Variants in STX1B observed in about 807,000 individuals in gnomAD.
STX1B encodes the protein syntaxin-1B.
A neutral mutation model predicts 39.4 loss-of-function variants in STX1B; 7 were observed. The ratio of observed to expected loss-of-function variants is 0.18; its 90% CI spans 0.10 to 0.33. STX1B has a LOEUF of 0.33. Ranked by LOEUF, STX1B falls within the 10% of genes least tolerant of loss-of-function variation. The pLI, the probability that STX1B is intolerant of heterozygous loss-of-function variation, is 1.00. For missense variants in STX1B, 198 were observed against 383.2 expected (o/e 0.52, Z 4.04); for synonymous variants, 136 against 144.1 (o/e 0.94, Z 0.40).
At position 30,992,451 on chromosome 16, in the gene STX1B, C is replaced by T; in HGVS notation, c.*370G>A. Reference sequence around the variant, plus strand: ...TTACACTTGGCTGCAGTCTACACAACAGCCCCGGTGAAGGGGGAAGCTCAG... The same window carrying T: ...TTACACTTGGCTGCAGTCTACACAATAGCCCCGGTGAAGGGGGAAGCTCAG... On this transcript the variant is annotated 3_prime_UTR_variant, in exon 10 of 10. Transcript: ENST00000215095. 1 of 244,898 alleles carries T rather than the reference C, an allele frequency of 4.1e-6. No individual in the cohort carries two copies. The allele number at this position is 244,898 out of a possible 1,614,324, so 15.2% of individuals were successfully genotyped here.
rs1412438315 is a variant in STX1B, at chr16:30,989,973, A to G, written c.*2848T>C. ...TGTCCAAGAACATGCAAAAGACACC[A>G]GCCTCCAGACAACATGCCAGGACGC... On this transcript the variant is annotated 3_prime_UTR_variant, in exon 10 of 10. Coordinates refer to ENST00000215095, the MANE Select transcript of STX1B (RefSeq NM_052874.5). 2 of 152,538 alleles carry G rather than the reference A, an allele frequency of 1.3e-5. No homozygotes were observed. The highest frequency in any genetic ancestry group is 1.3e-4 in the Admixed American group (2 of 15,310). 9.4% of individuals were successfully genotyped at this position (152,538 alleles called of 1,614,324 possible).
intron 7 of STX1B, among the ~76,000 whole-genome samples, chr16:30,994,634 C>T (rs1466689429): frequency 6.6e-6 from 1 of 150,870 alleles, no homozygotes; most frequent in Admixed American, 6.6e-5. Context: ...CCGTGACCCA[C>T]AGTCAGATAT....
At chr16:30,993,776 G>C (rs2056575978) in intron 7 of STX1B, among the ~76,000 whole-genome samples, 1 of 148,140 alleles carries the variant, frequency 6.8e-6, no homozygotes, top group Admixed American at 6.7e-5. Context: ...CCTGAGGTCA[G>C]AAGTTTGAGA....
rs1188303645 is a variant in STX1B, at chr16:31,001,444, G to A, written c.105+85C>T. 16 of 1,116,294 alleles carry A rather than the reference G, an allele frequency of 1.4e-5. No homozygotes were observed. The highest frequency in any genetic ancestry group is 3.0e-4 in the Middle Eastern group (1 of 3,380). The allele number at this position is 1,116,294 out of a possible 1,614,324, so 69.1% of individuals were successfully genotyped here. A position where few individuals can be genotyped will look rare whatever the true frequency, so the allele number is the denominator to read the frequency against. On this transcript the variant is annotated intron_variant, in intron 2 of 9. Coordinates refer to ENST00000215095, the MANE Select transcript of STX1B (RefSeq NM_052874.5). The surrounding 1 kb of genome is among the most constrained non-coding windows in gnomAD (Gnocchi z 5.5). ...GGTGCTGGGGCTGGGGCTGGGTGCC[G>A]GGGCTGAGGCTGGGCGGTGGGACTA...
In STX1B at chr16:30,992,811, TG is replaced by T. The variant is rs750392809; in HGVS notation, c.*9del. 9.4e-5 allele frequency: 109 copies of T among 1,164,640 alleles called. No individual in the cohort carries two copies. Among genetic ancestry groups the T allele is most frequent in the East Asian group, 1.8e-4 (3 of 17,000 alleles). 72.1% of individuals were successfully genotyped at this position (1,164,640 alleles called of 1,614,324 possible). A position where few individuals can be genotyped will look rare whatever the true frequency, so the allele number is the denominator to read the frequency against. On this transcript the variant is annotated 3_prime_UTR_variant, in exon 10 of 10. Transcript: ENST00000215095. ...GGGAAGGGTCTGGGAGAGAGAAGGGTGGGGGGGGCCTACAAGCCCAGCGTCC... is the reference window on the plus strand; with the variant it reads ...GGGAAGGGTCTGGGAGAGAGAAGGGTGGGGGGGCCTACAAGCCCAGCGTCC...
intron 4 of STX1B, among the ~76,000 whole-genome samples, chr16:30,997,849 C>A (rs1200008659): frequency 2.0e-5 from 3 of 152,206 alleles, no homozygotes; most frequent in African/African-American, 7.2e-5. Context: ...GTTCTAGTGG[C>A]AGAACTGGGT....
At chr16:31,008,955 A>C (rs1187539873) in intron 1 of STX1B, among the ~76,000 whole-genome samples, 1 of 152,206 alleles carries the variant, frequency 6.6e-6, no homozygotes, top group East Asian at 1.9e-4. Flanking sequence ...AAAACACTTC[A>C]AACAATGTTT....
intron 1 of STX1B, among the ~76,000 whole-genome samples, chr16:31,005,471 T>TC (rs2056650451): frequency 1.7e-4 from 1 of 5,818 alleles, no homozygotes; most frequent in South Asian, 0.05. Context: ...TTCTTTTTCC[T>TC]TTTTTTTTTT....
chr16:31,001,378 C>T lies in STX1B; in HGVS notation c.105+151G>A. On this transcript the variant is annotated intron_variant, in intron 2 of 9. Transcript: ENST00000215095. The surrounding 1 kb of genome is among the most constrained non-coding windows in gnomAD (Gnocchi z 5.5). ...GTTGTCGGTGGCTAGGGGCTGGGTG[C>T]CGGGGCTGCGGCTGGGCGGTGGGAC... 1.2e-6 allele frequency: 1 copy of T among 809,258 alleles called. No individual in the cohort carries two copies. Among genetic ancestry groups the T allele is most frequent in the Non-Finnish European group, 2.0e-6 (1 of 509,728 alleles). The allele number at this position is 809,258 out of a possible 1,614,324, so 50.1% of individuals were successfully genotyped here. A position where few individuals can be genotyped will look rare whatever the true frequency, so the allele number is the denominator to read the frequency against.
chr16:31,001,172 T>C lies in STX1B; in HGVS notation c.127A>G (p.Ile43Val), dbSNP rs989371299. 1.9e-6 allele frequency: 3 copies of C among 1,613,862 alleles called. No individual in the cohort carries two copies. The highest frequency in any genetic ancestry group is 2.5e-6 in the Non-Finnish European group (3 of 1,180,040). Residue 43 changes from isoleucine to valine, a missense_variant, in exon 3 of 10, where the codon ATT becomes GTT. Coordinates refer to ENST00000215095, the MANE Select transcript of STX1B (RefSeq NM_052874.5). This position sits in a 1 kb window ranked among gnomAD's most constrained non-coding sequence, Gnocchi z 5.5. ...FEQVEEIRGCIEKLSEDVEQV... is the reference protein window; with the variant it reads ...FEQVEEIRGCVEKLSEDVEQV... ...TCCACATCCTCCGACAGTTTCTCAA[T>C]GCAGCCCCGGATCTCTTCCACCTGG...
At chr16:31,002,062 C>CCCTG (rs2056633006) in intron 1 of STX1B, among the ~76,000 whole-genome samples, 2 of 152,102 alleles carry the variant, frequency 1.3e-5, no homozygotes, top group African/African-American at 4.8e-5. Flanking sequence ...CAGACATGTC[C>CCCTG]CCTGTGCAAG....
chr16:31,000,130 T>C (rs9932822), intron 4 of STX1B, among the ~76,000 whole-genome samples: 14,408 of 151,502 alleles, frequency 0.095, 2,003 homozygotes, highest in African/African-American at 0.31. Context: ...CCCAAGTGGC[T>C]GGGATTACAG....
In STX1B at chr16:31,005,470, C is replaced by CTTT. The variant is rs35407745; in HGVS notation, c.31-3870_31-3868dup. Among the ~76,000 whole-genome samples the CTTT allele has an allele frequency of 2.1e-3, 236 of 113,676 alleles. 1 individual carries two copies. The highest frequency in any genetic ancestry group is 2.7e-3 in the Non-Finnish European group (164 of 60,538). 74.6% of individuals were successfully genotyped at this position (113,676 alleles called of 152,430 possible). A position where few individuals can be genotyped will look rare whatever the true frequency, so the allele number is the denominator to read the frequency against. On this transcript the variant is annotated intron_variant, in intron 1 of 9. Coordinates refer to ENST00000215095, the MANE Select transcript of STX1B (RefSeq NM_052874.5). ...TTGCATTTCTTTTTTTTTCTTTTTC[C>CTTT]TTTTTTTTTTTTTTTTTTTGAGAGA...
At chr16:30,998,390 G>A (rs1401901233) in intron 4 of STX1B, among the ~76,000 whole-genome samples, 1 of 152,208 alleles carries the variant, frequency 6.6e-6, no homozygotes, top group African/African-American at 2.4e-5. Flanking sequence ...GTACGGGGCC[G>A]GATGGCACCC....
At chr16:31,009,760 T>C (rs2056671713) in intron 1 of STX1B, among the ~76,000 whole-genome samples, 1 of 151,288 alleles carries the variant, frequency 6.6e-6, no homozygotes, top group Non-Finnish European at 1.5e-5. Context: ...TGCATCCCCA[T>C]CTCCCACCTC....
chr16:30,996,737 G>T lies in STX1B; in HGVS notation c.483C>A (p.Asn161Lys). 6.2e-7 allele frequency: 1 copy of T among 1,614,144 alleles called. No homozygotes were observed. Among genetic ancestry groups the T allele is most frequent in the Middle Eastern group, 1.7e-4 (1 of 6,060 alleles). Residue 161 changes from asparagine (N) to lysine (K), a missense_variant, in exon 7 of 10, where the codon AAC becomes AAA. Transcript: ENST00000215095. ...QLEITGRTTT[N>K]EELEDMLESG... is the part of the protein sequence containing the mutation. ...TCTCCAGCATGTCTTCCAGTTCTTC[G>T]TTGGTGGTGGTCCTTCCAGCTGCGG...
chr16:30,998,221 C>T (rs1425253469), intron 4 of STX1B, among the ~76,000 whole-genome samples: 2 of 152,262 alleles, frequency 1.3e-5, no homozygotes, highest in Non-Finnish European at 2.9e-5. Context: ...GCACTCCTGA[C>T]ACTATCGTTC....
chr16:30,997,428 G>T, intron 5 of STX1B, 74 bp downstream of exon 5: 2 of 1,360,632 alleles, frequency 1.5e-6, no homozygotes, highest in Non-Finnish European at 2.1e-6. Flanking sequence ...CTTGGCCCTG[G>T]CCCGCCGGCC....
chr16:31,005,845 C>T (rs559184640), intron 1 of STX1B, among the ~76,000 whole-genome samples: 31 of 152,164 alleles, frequency 2.0e-4, no homozygotes, highest in Non-Finnish European at 3.7e-4. Flanking sequence ...CTGGGGACTG[C>T]GCACATCAGA....
Sources: allele counts gnomAD v4.1 joint callset (sites outside exome capture counted in the v4.1 genomes callset), GRCh38; gene constraint gnomAD v4.1.1; non-coding constraint Gnocchi (gnomAD v3.1); transcripts MANE v1.5; gene names NCBI Gene and HGNC (gene_info 2026-07-23, HGNC 2026-07-21).